Variants in DCUN1D4 observed in about 807,000 individuals in gnomAD.
DCUN1D4 encodes defective in cullin neddylation 1 domain containing 4.
Under a neutral mutation model 47.9 loss-of-function variants are expected in DCUN1D4, and 22 were observed. The observed-to-expected ratio is 0.46, with a 90% CI of 0.33 to 0.66. DCUN1D4 has a LOEUF of 0.66. Ranked by LOEUF, DCUN1D4 falls within the 30% of genes least tolerant of loss-of-function variation. DCUN1D4 has a pLI of 0.02. For missense variants in DCUN1D4, 301 were observed against 340.8 expected, an observed-to-expected ratio of 0.88 and a Z score of 0.92; for synonymous variants, 121 against 112.2, an observed-to-expected ratio of 1.08 and a Z score of -0.50.
chr4:51,910,278 G>A (rs1009344360), intron 8 of DCUN1D4, among the ~76,000 whole-genome samples: 1 of 152,178 alleles, frequency 6.6e-6, no homozygotes, highest in Admixed American at 6.5e-5. Flanking sequence ...ACGGAAATGA[G>A]AAATTAGGAT....
chr4:51,866,107 G>A (rs1166969229), intron 3 of DCUN1D4, among the ~76,000 whole-genome samples: 2 of 152,158 alleles, frequency 1.3e-5, no homozygotes, highest in Admixed American at 1.3e-4. Context: ...GAATGCGCTA[G>A]GAGTGTTCTA....
chr4:51,880,563 C>A (rs957860436), intron 5 of DCUN1D4, among the ~76,000 whole-genome samples: 3 of 152,174 alleles, frequency 2.0e-5, no homozygotes, highest in African/African-American at 7.2e-5. Context: ...TTCTGTCTGG[C>A]CAGTTAACCC....
At chr4:51,847,737 C>T (rs1227362247) in intron 1 of DCUN1D4, among the ~76,000 whole-genome samples, 3 of 151,858 alleles carry the variant, frequency 2.0e-5, no homozygotes, top group Non-Finnish European at 4.4e-5. Flanking sequence ...TATAGATGCA[C>T]GCCACTGCAC....
chr4:51,889,509 G>C (rs1306573184), intron 6 of DCUN1D4, among the ~76,000 whole-genome samples: 3 of 152,010 alleles, frequency 2.0e-5, no homozygotes, highest in Non-Finnish European at 4.4e-5. Context: ...TCTTTTTTAT[G>C]AACTTTCCCA....
At chr4:51,841,648 T>C (rs1224474013), upstream of DCUN1D4, among the ~76,000 whole-genome samples, 1 of 152,178 alleles carries the variant, frequency 6.6e-6, no homozygotes, top group East Asian at 1.9e-4. Flanking sequence ...TATAAGGATG[T>C]AATTTATTAA....
chr4:51,878,740 A>G (rs747531809), intron 5 of DCUN1D4, among the ~76,000 whole-genome samples: 6 of 152,306 alleles, frequency 3.9e-5, no homozygotes, highest in South Asian at 2.1e-4. Context: ...TCCATCTGAC[A>G]TGCTCTTACA....
rs1365221253 is a variant in DCUN1D4, at chr4:51,915,834, G to A, written c.*2250G>A. 6.6e-6 allele frequency: 1 copy of A among 152,524 alleles called. No homozygotes were observed. Among genetic ancestry groups the A allele is most frequent in the Non-Finnish European group, 1.5e-5 (1 of 67,976 alleles). 9.4% of individuals were successfully genotyped at this position (152,524 alleles called of 1,614,324 possible). A position where few individuals can be genotyped will look rare whatever the true frequency, so the allele number is the denominator to read the frequency against. ...AACTGCGTAAAAACTATTGCATTATGTATGATAAGAAAGTAAGTATTCCAA... is the reference window on the plus strand; with the variant it reads ...AACTGCGTAAAAACTATTGCATTATATATGATAAGAAAGTAAGTATTCCAA... On this transcript the variant is annotated 3_prime_UTR_variant, in exon 11 of 11. Transcript: ENST00000334635.
At chr4:51,894,133 A>G (rs1376433270) in intron 7 of DCUN1D4, among the ~76,000 whole-genome samples, 2 of 152,110 alleles carry the variant, frequency 1.3e-5, no homozygotes, top group Admixed American at 1.3e-4. Context: ...GATCCTTGCA[A>G]TTCAGGGTTT....
chr4:51,890,705 G>C (rs999900808), intron 6 of DCUN1D4, among the ~76,000 whole-genome samples: 6 of 152,248 alleles, frequency 3.9e-5, no homozygotes, highest in Admixed American at 6.5e-5. Context: ...GAGAAGGAAG[G>C]CTTCCTCCTC....
At chr4:51,896,767 C>T (rs975350330) in intron 7 of DCUN1D4, among the ~76,000 whole-genome samples, 9 of 152,116 alleles carry the variant, frequency 5.9e-5, no homozygotes, top group African/African-American at 2.2e-4. Context: ...TCTTTTCCTT[C>T]CCACCAGTCC....
chr4:51,847,539 C>T (rs1333552097), intron 1 of DCUN1D4, among the ~76,000 whole-genome samples: 1 of 152,176 alleles, frequency 6.6e-6, no homozygotes, highest in Non-Finnish European at 1.5e-5. Context: ...GCCTCTCTTT[C>T]CCATACCTAT....
chr4:51,845,073 G>C (rs1363409689), intron 1 of DCUN1D4: 2 of 985,366 alleles, frequency 2.0e-6, no homozygotes, highest in Admixed American at 6.1e-5. Flanking sequence ...GGCCTTACTT[G>C]TGGAATAAAT....
At chr4:51,869,476 G>T (rs1420387981) in intron 3 of DCUN1D4, among the ~76,000 whole-genome samples, 1 of 152,158 alleles carries the variant, frequency 6.6e-6, no homozygotes, top group Non-Finnish European at 1.5e-5. Flanking sequence ...TCACTAAAAT[G>T]AAACATGAGA....
the DCUN1D4 span, among the ~76,000 whole-genome samples, chr4:51,836,598 C>T: frequency 6.6e-5 from 10 of 152,112 alleles, no homozygotes; most frequent in African/African-American, 1.2e-4. Flanking sequence ...GTGGCTGAGG[C>T]GGCTGTAACC....
chr4:51,852,366 A>T (rs1250180230), intron 1 of DCUN1D4, among the ~76,000 whole-genome samples: 1 of 152,260 alleles, frequency 6.6e-6, no homozygotes, highest in African/African-American at 2.4e-5. Context: ...GCAAAACTAG[A>T]AAACAACTAC....
At chr4:51,838,590 C>A (rs1721554377), upstream of DCUN1D4, among the ~76,000 whole-genome samples, 1 of 151,900 alleles carries the variant, frequency 6.6e-6, no homozygotes, top group South Asian at 2.1e-4. Flanking sequence ...CTGTGTTGGC[C>A]CAGACTGGTA....
chr4:51,865,005 T>C (rs1167274222), intron 3 of DCUN1D4: 14 of 183,634 alleles, frequency 7.6e-5, no homozygotes, highest in Non-Finnish European at 1.6e-4. Flanking sequence ...AAAAACTCTT[T>C]AAGAAAAAGG....
chr4:51,848,467 A>G, intron 1 of DCUN1D4: 2 of 837,438 alleles, frequency 2.4e-6, no homozygotes, highest in Non-Finnish European at 2.9e-6. Context: ...TTAACAATAT[A>G]GTGAGATCAC....
the DCUN1D4 span, among the ~76,000 whole-genome samples, chr4:51,834,200 C>A: frequency 6.9e-6 from 1 of 144,998 alleles, no homozygotes; most frequent in African/African-American, 2.7e-5. Context: ...AACAGCAAGC[C>A]AATCATCCAC....
Sources: gnomAD v4.1 joint callset for allele counts (sites outside exome capture counted in the v4.1 genomes callset) on GRCh38, gnomAD v4.1.1 for gene constraint, MANE v1.5 for transcripts, NCBI Gene and HGNC (gene_info 2026-07-23, HGNC 2026-07-21) for gene names.